The following CCDC138 variants were observed in gnomAD, a reference collection of about 807,000 sequenced individuals.
CCDC138 encodes coiled-coil domain containing 138.
In CCDC138, 66 loss-of-function variants were observed where a neutral mutation model predicts 82.3. The ratio of observed to expected loss-of-function variants is 0.80; its 90% CI spans 0.66 to 0.98. The LOEUF (loss-of-function observed/expected upper bound fraction) is 0.98, where lower values mean the gene tolerates loss of function less well. CCDC138 is among the 50% of genes least tolerant of loss of function. The pLI is 0.00. For synonymous variants in CCDC138, 297 were observed against 265.4 expected, an observed-to-expected ratio of 1.12 and a Z score of -1.16; for missense variants, 816 against 758.9, an observed-to-expected ratio of 1.08 and a Z score of -0.88.
intron 10 of CCDC138, among the ~76,000 whole-genome samples, chr2:108,830,006 G>A (rs1458252803): frequency 1.3e-5 from 2 of 152,036 alleles, no homozygotes; most frequent in South Asian, 2.1e-4. Flanking sequence ...ATAAAAAGAA[G>A]GTGGACACAA....
At chr2:108,814,244 G>A (rs576133551) in intron 9 of CCDC138, among the ~76,000 whole-genome samples, 56 of 152,282 alleles carry the variant, frequency 3.7e-4, no homozygotes, top group African/African-American at 1.3e-3. Context: ...GTGTATCAAA[G>A]TTTTGGTTGC....
intron 13 of CCDC138, among the ~76,000 whole-genome samples, chr2:108,863,756 T>C (rs1286212110): frequency 1.3e-5 from 2 of 152,230 alleles, no homozygotes; most frequent in African/African-American, 2.4e-5. Flanking sequence ...TGGCATTCTT[T>C]CCCAGCACAA....
chr2:108,855,762 C>A (rs1467201704), intron 12 of CCDC138, among the ~76,000 whole-genome samples: 1 of 152,020 alleles, frequency 6.6e-6, no homozygotes, highest in East Asian at 1.9e-4. Context: ...TTCTTAATAA[C>A]CAGGGTTTTA....
At chr2:108,831,700 T>TCCTC (rs1553418474) in intron 10 of CCDC138, among the ~76,000 whole-genome samples, 1 of 145,152 alleles carries the variant, frequency 6.9e-6, no homozygotes, top group African/African-American at 2.6e-5. Context: ...TGGCACAGAA[T>TCCTC]CTTCCTTCCT....
At chr2:108,803,707 G>C (rs557145026) in intron 6 of CCDC138, among the ~76,000 whole-genome samples, 1 of 152,280 alleles carries the variant, frequency 6.6e-6, no homozygotes, top group African/African-American at 2.4e-5. Flanking sequence ...ACCCTTGAGG[G>C]TTGCTTCTAC....
intron 11 of CCDC138, among the ~76,000 whole-genome samples, chr2:108,844,216 G>A (rs998271886): frequency 1.3e-5 from 2 of 151,912 alleles, no homozygotes; most frequent in African/African-American, 4.8e-5. Flanking sequence ...CTCTAATGAC[G>A]TGATTTTAGA....
chr2:108,822,543 C>T (rs1685892174), intron 10 of CCDC138, among the ~76,000 whole-genome samples: 4 of 152,166 alleles, frequency 2.6e-5, no homozygotes, highest in Admixed American at 2.6e-4. Flanking sequence ...TCCAGATAAA[C>T]TACGTGTTTG....
chr2:108,811,648 T>C (rs1469235817), intron 7 of CCDC138, among the ~76,000 whole-genome samples: 2 of 152,188 alleles, frequency 1.3e-5, no homozygotes, highest in Non-Finnish European at 2.9e-5. Context: ...AGGGTACATG[T>C]GCAGCTTTGT....
At chr2:108,881,050 C>T (rs6716771), downstream of CCDC138, among the ~76,000 whole-genome samples, 110,693 of 152,094 alleles carry the variant, frequency 0.73, 43,048 homozygotes, top group East Asian at 0.95. Flanking sequence ...AAGTAACTGC[C>T]GATGTGGTGG....
chr2:108,857,320 C>T (rs1471281796), intron 13 of CCDC138, among the ~76,000 whole-genome samples: 2 of 152,054 alleles, frequency 1.3e-5, no homozygotes, highest in African/African-American at 4.8e-5. Context: ...CTGGCAGCCT[C>T]GGCCTCCCAA....
intron 9 of CCDC138, among the ~76,000 whole-genome samples, chr2:108,813,397 A>G (rs1423313363): frequency 6.6e-6 from 1 of 152,070 alleles, no homozygotes; most frequent in Non-Finnish European, 1.5e-5. Flanking sequence ...ATTTTTTAAT[A>G]GGGAAATATC....
chr2:108,883,890 C>G (rs1696360517), intron 2 of CCDC138: 1 of 152,136 alleles, frequency 6.6e-6, no homozygotes, highest in South Asian at 2.1e-4. Flanking sequence ...GACTGACTCA[C>G]TAGCATCACT....
intron 10 of CCDC138, among the ~76,000 whole-genome samples, chr2:108,834,535 C>G (rs1014013518): frequency 6.6e-6 from 1 of 152,138 alleles, no homozygotes; most frequent in African/African-American, 2.4e-5. Context: ...TTTTTATACA[C>G]TAAGTATTGT....
At chr2:108,814,622 CTG>C (rs1030399317) in intron 9 of CCDC138, among the ~76,000 whole-genome samples, 5 of 150,682 alleles carry the variant, frequency 3.3e-5, no homozygotes, top group East Asian at 1.9e-4. Context: ...TTATATTTCT[CTG>C]TCTTTGAATT....
intron 12 of CCDC138, among the ~76,000 whole-genome samples, chr2:108,852,781 ATAAC>A (rs2104457362): frequency 6.6e-6 from 1 of 152,274 alleles, no homozygotes; most frequent in South Asian, 2.1e-4. Flanking sequence ...ATCAGGAAAA[ATAAC>A]TAATGGGTAC....
chr2:108,807,491 C>T (rs1683059471), intron 7 of CCDC138, among the ~76,000 whole-genome samples: 1 of 152,144 alleles, frequency 6.6e-6, no homozygotes, highest in Non-Finnish European at 1.5e-5. Flanking sequence ...CATTTATCAT[C>T]TCTTTGTATT....
intron 13 of CCDC138, among the ~76,000 whole-genome samples, chr2:108,864,369 T>G (rs1694082643): frequency 6.6e-6 from 1 of 152,198 alleles, no homozygotes; most frequent in Non-Finnish European, 1.5e-5. Context: ...GTTTAAAAGG[T>G]AACACATTCA....
At chr2:108,853,475 AAG>A (rs1268767588) in intron 12 of CCDC138, among the ~76,000 whole-genome samples, 1 of 152,082 alleles carries the variant, frequency 6.6e-6, no homozygotes, top group Non-Finnish European at 1.5e-5. Flanking sequence ...AAATTGTTAA[AAG>A]AAGTTGTAGG....
At chr2:108,879,535 A>G (rs1696230883), downstream of CCDC138, among the ~76,000 whole-genome samples, 1 of 152,110 alleles carries the variant, frequency 6.6e-6, no homozygotes, top group Non-Finnish European at 1.5e-5. Flanking sequence ...TGACAGAAAC[A>G]TTAATCCATG....
Sources: gnomAD v4.1 joint callset for allele counts (sites outside exome capture counted in the v4.1 genomes callset) on GRCh38, gnomAD v4.1.1 for gene constraint, MANE v1.5 for transcripts, NCBI Gene and HGNC (gene_info 2026-07-23, HGNC 2026-07-21) for gene names.